SAMMSON: variants seen among roughly 807,000 people sequenced by gnomAD.
The protein encoded by SAMMSON is survival associated mitochondrial melanoma specific oncogenic non-coding RNA.
intron 3 of SAMMSON, among the ~76,000 whole-genome samples, chr3:70,032,244 A>G (rs1247940888): frequency 6.6e-6 from 1 of 152,144 alleles, no homozygotes; most frequent in Non-Finnish European, 1.5e-5. Flanking sequence ...GTCAGAGTAC[A>G]TCAAGCAAAC....
At chr3:70,326,348 A>C (rs762030475) in intron 7 of SAMMSON, among the ~76,000 whole-genome samples, 1 of 152,184 alleles carries the variant, frequency 6.6e-6, no homozygotes, top group Non-Finnish European at 1.5e-5. Flanking sequence ...GTACTTTTCC[A>C]ATCTATTAAA....
At chr3:70,277,207 A>G (rs2106677745) in intron 6 of SAMMSON, among the ~76,000 whole-genome samples, 1 of 152,336 alleles carries the variant, frequency 6.6e-6, no homozygotes, top group Non-Finnish European at 1.5e-5. Context: ...CATAGCCCGT[A>G]TCTCCAGCTG....
At chr3:70,134,587 A>G (rs1296483388) in intron 4 of SAMMSON, among the ~76,000 whole-genome samples, 1 of 152,126 alleles carries the variant, frequency 6.6e-6, no homozygotes, top group Non-Finnish European at 1.5e-5. Context: ...GCATAGTTAT[A>G]TTTAGCTTAA....
intron 7 of SAMMSON, among the ~76,000 whole-genome samples, chr3:70,346,336 G>A (rs985537157): frequency 4.5e-5 from 6 of 133,862 alleles, no homozygotes; most frequent in African/African-American, 1.7e-4. Flanking sequence ...CACTTTTGGT[G>A]TTGTATATAA....
intron 7 of SAMMSON, among the ~76,000 whole-genome samples, chr3:70,323,705 G>T (rs1702555365): frequency 6.6e-6 from 1 of 152,134 alleles, no homozygotes; most frequent in Non-Finnish European, 1.5e-5. Flanking sequence ...TTGGGAAGAA[G>T]ATTGGGGCAG....
rs371736431 is a variant in SAMMSON at position 70,168,705 on chromosome 3, C to G, written n.508-80402C>G. On this transcript the variant is annotated intron_variant and non_coding_transcript_variant, in intron 4 of 9. Transcript: ENST00000642114. ...GCCCCACTTGTCAACATTAGGCGTACGTGGAGTGGAGTGTTCTCAATAGAT... is the reference window on the plus strand; with the variant it reads ...GCCCCACTTGTCAACATTAGGCGTAGGTGGAGTGGAGTGTTCTCAATAGAT... 9.9e-5 allele frequency among the ~76,000 whole-genome samples: 15 copies of G among 152,058 alleles called. No individual in the cohort carries two copies. In the East Asian group the frequency reaches 2.5e-3, roughly 26 times the overall value.
chr3:70,275,321 C>A (rs1452891475), intron 6 of SAMMSON, among the ~76,000 whole-genome samples: 1 of 151,942 alleles, frequency 6.6e-6, no homozygotes, highest in Non-Finnish European at 1.5e-5. Flanking sequence ...CCAGCCCAGG[C>A]AACATAGTAA....
intron 4 of SAMMSON, among the ~76,000 whole-genome samples, chr3:70,083,272 C>T (rs550837668): frequency 8.8e-4 from 134 of 152,252 alleles, no homozygotes; most frequent in African/African-American, 2.6e-3. Context: ...GTGACTATAA[C>T]GTAAATACTT....
chr3:70,176,726 G>A (rs1701012733), intron 4 of SAMMSON, among the ~76,000 whole-genome samples: 1 of 152,064 alleles, frequency 6.6e-6, no homozygotes, highest in African/African-American at 2.4e-5. Context: ...ATAAGACTAG[G>A]TGTTCAAATA....
intron 4 of SAMMSON, among the ~76,000 whole-genome samples, chr3:70,248,286 T>C (rs796508643): frequency 1.3e-5 from 2 of 152,190 alleles, no homozygotes; most frequent in African/African-American, 2.4e-5. Flanking sequence ...TCTAAATAGA[T>C]TGCAGGAATG....
chr3:70,015,807 T>G (rs1423643184), intron 3 of SAMMSON, among the ~76,000 whole-genome samples: 1 of 152,100 alleles, frequency 6.6e-6, no homozygotes, highest in Non-Finnish European at 1.5e-5. Flanking sequence ...AGTGAGAACA[T>G]GTGGTGTTTG....
Position 70,164,151 on chromosome 3 carries a change from G to C in SAMMSON, n.508-84956G>C, listed in dbSNP as rs530097593. Among the ~76,000 whole-genome samples the C allele has an allele frequency of 1.1e-4, 17 of 152,116 alleles. No individual in the cohort carries two copies. The East Asian group carries it at 3.3e-3, about 30-fold the overall frequency. On this transcript the variant is annotated intron_variant and non_coding_transcript_variant, in intron 4 of 9. Coordinates refer to ENST00000642114, the Ensembl canonical transcript of SAMMSON. The stretch of plus-strand genomic sequence containing the variant: ...ACCAATTCATCTGTTTGTCATTTGA[G>C]GGGGAAACAAGTAGAAAGAATCTGA...
intron 3 of SAMMSON, among the ~76,000 whole-genome samples, chr3:70,058,051 A>G (rs532912164): frequency 3.2e-4 from 49 of 152,218 alleles, no homozygotes; most frequent in Admixed American, 9.8e-4. Flanking sequence ...TAGTCAAAAT[A>G]TCTCTTCATT....
At chr3:70,306,313 A>C (rs573486804) in intron 7 of SAMMSON, among the ~76,000 whole-genome samples, 1 of 152,122 alleles carries the variant, frequency 6.6e-6, no homozygotes, top group Non-Finnish European at 1.5e-5. Context: ...GGGTTTCACC[A>C]TGTTGGCCAG....
chr3:70,252,507 G>A (rs140331650), intron 6 of SAMMSON, among the ~76,000 whole-genome samples: 1 of 152,128 alleles, frequency 6.6e-6, no homozygotes, highest in Admixed American at 6.6e-5. Context: ...AGTTACAAAC[G>A]TGATTCAAGG....
At chr3:70,074,356 G>A (rs2067240954) in intron 4 of SAMMSON, among the ~76,000 whole-genome samples, 2 of 152,010 alleles carry the variant, frequency 1.3e-5, no homozygotes, top group African/African-American at 4.8e-5. Flanking sequence ...AGGAGATAGG[G>A]AAATTTATTA....
Position 70,031,042 on chromosome 3 carries a change from G to T in SAMMSON, n.417+17370G>T, listed in dbSNP as rs1280577008. On this transcript the variant is annotated intron_variant and non_coding_transcript_variant, in intron 3 of 9. Transcript: ENST00000642114. ...ATGTGGTCCAGCAATTCCACTCCTAGGTACATACCCAAAGGAATTAAAAAC... is the reference window on the plus strand; with the variant it reads ...ATGTGGTCCAGCAATTCCACTCCTATGTACATACCCAAAGGAATTAAAAAC... Among the ~76,000 whole-genome samples the T allele has an allele frequency of 3.9e-5, 6 of 152,146 alleles. No homozygotes were observed. The East Asian group carries it at 1.2e-3, about 29-fold the overall frequency.
At chr3:70,091,379 C>T (rs2067304365) in intron 4 of SAMMSON, among the ~76,000 whole-genome samples, 1 of 152,152 alleles carries the variant, frequency 6.6e-6, no homozygotes, top group Non-Finnish European at 1.5e-5. Flanking sequence ...CTTACAAGGG[C>T]TTCAGGTTGG....
rs1428859587 is a variant in SAMMSON, at chr3:70,163,366, G to T, written n.508-85741G>T. 1.5e-3 allele frequency among the ~76,000 whole-genome samples: 223 copies of T among 149,844 alleles called. 2 individuals carry two copies. In the East Asian group the frequency reaches 0.029, roughly 19 times the overall value. On this transcript the variant is annotated intron_variant and non_coding_transcript_variant, in intron 4 of 9. Transcript: ENST00000642114. The stretch of plus-strand genomic sequence containing the variant: ...GAATATATATATATAGAGAGAGAGA[G>T]AGAGAGAGAGTTATCTTTGGTTGCT...
Sources: gnomAD v4.1 joint callset for allele counts (sites outside exome capture counted in the v4.1 genomes callset) on GRCh38, gnomAD v4.1.1 for gene constraint, MANE v1.5 for transcripts, NCBI Gene and HGNC (gene_info 2026-07-23, HGNC 2026-07-21) for gene names.